Variants in DAPK2 observed in about 807,000 individuals in gnomAD.
DAPK2 encodes the protein death-associated protein kinase 2.
Under a neutral mutation model 44.1 loss-of-function variants are expected in DAPK2, and 35 were observed. That is an observed-to-expected ratio of 0.79 (90% CI 0.61 to 1.05). DAPK2 has a LOEUF of 1.05. Among genes scored for constraint, DAPK2 ranks in the 50% least tolerant of loss-of-function variants. DAPK2 has a pLI of 0.00. For missense variants in DAPK2, 453 were observed against 483.2 expected (o/e 0.94, Z 0.59); for synonymous variants, 174 against 182.6 (o/e 0.95, Z 0.38).
At chr15:64,011,593 G>T (rs1293522380) in intron 1 of DAPK2, among the ~76,000 whole-genome samples, 1 of 152,176 alleles carries the variant, frequency 6.6e-6, no homozygotes, top group Admixed American at 6.5e-5. Context: ...TTGATGCTTG[G>T]ATAATGAAAA....
At position 64,013,936 on chromosome 15, in the gene DAPK2, T is replaced by C. The variant is rs1335834669; in HGVS notation, c.92+26234A>G. On this transcript the variant is annotated intron_variant, in intron 1 of 10. Transcript: ENST00000261891. The surrounding 1 kb of genome is among the most constrained non-coding windows in gnomAD (Gnocchi z 4.7). ...GAAAATGGGAGAGGCCCCAACCTTCTCTGGGTGTGGCTGGCAGCTGTGCCA... is the reference window on the plus strand; with the variant it reads ...GAAAATGGGAGAGGCCCCAACCTTCCCTGGGTGTGGCTGGCAGCTGTGCCA... 6.6e-6 allele frequency among the ~76,000 whole-genome samples: 1 copy of C among 152,242 alleles called. No homozygotes were observed. The highest frequency in any genetic ancestry group is 1.9e-4 in the East Asian group (1 of 5,204).
At chr15:63,958,107 GTGA>G (rs1392767660) in intron 3 of DAPK2, among the ~76,000 whole-genome samples, 15 of 152,200 alleles carry the variant, frequency 9.9e-5, no homozygotes, top group African/African-American at 3.1e-4. Flanking sequence ...CTGATGGCCA[GTGA>G]TGATGAGCAT....
At chr15:63,985,336 G>C (rs1281844669) in intron 1 of DAPK2, among the ~76,000 whole-genome samples, 2 of 152,250 alleles carry the variant, frequency 1.3e-5, no homozygotes, top group African/African-American at 4.8e-5. Context: ...GCCTCCCAGA[G>C]CCAGAGTGAA....
intron 3 of DAPK2, among the ~76,000 whole-genome samples, chr15:63,947,037 T>C (rs2077466973): frequency 6.9e-6 from 1 of 144,524 alleles, no homozygotes; most frequent in Admixed American, 7.1e-5. Flanking sequence ...TACGTGCCTC[T>C]GTGTGGCATT....
In DAPK2 at chr15:63,929,409, T is replaced by A. The variant is rs149867803; in HGVS notation, c.659+142A>T. On this transcript the variant is annotated intron_variant, in intron 6 of 10. Coordinates refer to ENST00000261891, the Ensembl canonical transcript of DAPK2. ...TGAAATGGACCTACAGCACTTAGCCTCAGGCTTGCTGTGTGGACTTAACAC... is the reference window on the plus strand; with the variant it reads ...TGAAATGGACCTACAGCACTTAGCCACAGGCTTGCTGTGTGGACTTAACAC... 4.6e-5 allele frequency: 49 copies of A among 1,064,942 alleles called. No individual in the cohort carries two copies. The African/African-American group carries it at 7.3e-4, about 16-fold the overall frequency. 66.0% of individuals were successfully genotyped at this position (1,064,942 alleles called of 1,614,324 possible).
intron 8 of DAPK2, chr15:63,920,373 C>G (rs1004992903): frequency 6.6e-6 from 1 of 152,164 alleles, no homozygotes; most frequent in Non-Finnish European, 1.5e-5. Flanking sequence ...CTTGCTCCCC[C>G]TTTCTGCATG....
chr15:63,976,039 A>G (rs1314175537), intron 2 of DAPK2, among the ~76,000 whole-genome samples: 3 of 152,202 alleles, frequency 2.0e-5, no homozygotes, highest in East Asian at 1.9e-4. Flanking sequence ...GACCCACTCA[A>G]TAATCTTAGC....
At chr15:64,015,166 G>C (rs1038970576) in intron 1 of DAPK2, among the ~76,000 whole-genome samples, 2 of 152,188 alleles carry the variant, frequency 1.3e-5, no homozygotes, top group Non-Finnish European at 2.9e-5. Flanking sequence ...GCTGCAGTCT[G>C]GCAGGAGAAC....
At chr15:63,985,708 T>C (rs954072702) in intron 1 of DAPK2, among the ~76,000 whole-genome samples, 4 of 152,196 alleles carry the variant, frequency 2.6e-5, no homozygotes, top group Non-Finnish European at 2.9e-5. Flanking sequence ...CCCTGCACTG[T>C]GTTGACAGCC....
intron 1 of DAPK2, among the ~76,000 whole-genome samples, chr15:64,022,833 G>A (rs140082410): frequency 6.4e-4 from 97 of 152,278 alleles, no homozygotes; most frequent in African/African-American, 2.2e-3. Flanking sequence ...ACTTGTGTGT[G>A]TGTATTCTAG....
chr15:63,972,829 C>A (rs901817363), intron 2 of DAPK2, among the ~76,000 whole-genome samples: 10 of 152,112 alleles, frequency 6.6e-5, no homozygotes, highest in African/African-American at 2.4e-4. Context: ...CATAAGAAAA[C>A]CTGTTTGGGA....
chr15:63,976,205 T>A (rs919794694), intron 2 of DAPK2, among the ~76,000 whole-genome samples: 3 of 152,240 alleles, frequency 2.0e-5, no homozygotes, highest in Non-Finnish European at 4.4e-5. Context: ...GAAAATGTTC[T>A]AGATATGTGC....
chr15:63,969,282 T>C (rs1164283989), intron 3 of DAPK2, among the ~76,000 whole-genome samples: 1 of 151,486 alleles, frequency 6.6e-6, no homozygotes. Context: ...TAGCTGGCCA[T>C]GGTGGCATGT....
At chr15:63,968,155 G>A (rs2078107924) in intron 3 of DAPK2, among the ~76,000 whole-genome samples, 1 of 152,190 alleles carries the variant, frequency 6.6e-6, no homozygotes, top group African/African-American at 2.4e-5. Flanking sequence ...GAGACAGAAT[G>A]TTCCAGCCAG....
At chr15:63,961,975 T>A (rs954931489) in intron 3 of DAPK2, among the ~76,000 whole-genome samples, 1 of 152,220 alleles carries the variant, frequency 6.6e-6, no homozygotes, top group East Asian at 1.9e-4. Flanking sequence ...CACTTTCAGG[T>A]ACACTAATCA....
intron 8 of DAPK2, among the ~76,000 whole-genome samples, chr15:63,915,053 A>G (rs2078891597): frequency 6.6e-6 from 1 of 152,252 alleles, no homozygotes; most frequent in Non-Finnish European, 1.5e-5. Context: ...GTATTTGCAT[A>G]TAACCTACAC....
rs1490753693 is a variant in DAPK2, at chr15:63,980,568, G to A, written c.314+2965C>T. Among the ~76,000 whole-genome samples the A allele has an allele frequency of 1.3e-5, 2 of 152,148 alleles. No individual in the cohort carries two copies. Among genetic ancestry groups the A allele is most frequent in the African/African-American group, 4.8e-5 (2 of 41,404 alleles). On this transcript the variant is annotated intron_variant, in intron 2 of 10. Coordinates refer to ENST00000261891, the Ensembl canonical transcript of DAPK2. The surrounding 1 kb of genome is among the most constrained non-coding windows in gnomAD (Gnocchi z 4.3). The stretch of plus-strand genomic sequence containing the variant: ...TTTGGCTTAGTCATCCCATTCCTGG[G>A]GATGTTAGCTAAATCCTCAGGACTT...
At chr15:64,029,649 A>G (rs999904725) in intron 1 of DAPK2, 9 of 152,274 alleles carry the variant, frequency 5.9e-5, no homozygotes, top group Non-Finnish European at 5.9e-5. Context: ...GGCAAGGTCT[A>G]AGCCCTAAGT....
At chr15:64,008,180 A>ATAAATGGG (rs1207038676) in intron 1 of DAPK2, among the ~76,000 whole-genome samples, 1 of 149,704 alleles carries the variant, frequency 6.7e-6, no homozygotes, top group Non-Finnish European at 1.5e-5. Flanking sequence ...TTAGGACACT[A>ATAAATGGG]TAAATGGGTG....
Sources: gnomAD v4.1 joint callset for allele counts (sites outside exome capture counted in the v4.1 genomes callset) on GRCh38, gnomAD v4.1.1 for gene constraint, Gnocchi (gnomAD v3.1) non-coding constraint, MANE v1.5 for transcripts, NCBI Gene and HGNC (gene_info 2026-07-23, HGNC 2026-07-21) for gene names.